Variants in PPP1R14C observed in about 807,000 individuals in gnomAD.
PPP1R14C encodes protein phosphatase 1 regulatory inhibitor subunit 14C, also known as protein phosphatase 1 regulatory subunit 14C.
Under a neutral mutation model 20.4 loss-of-function variants are expected in PPP1R14C, and 16 were observed. That is an observed-to-expected ratio of 0.78 (90% confidence interval 0.53 to 1.19). The LOEUF is 1.19. PPP1R14C is among the 50% of genes most tolerant of loss of function. PPP1R14C has a pLI of 0.00. For synonymous variants in PPP1R14C, 91 were observed against 91.0 expected (o/e 1.00, Z 0.00); for missense variants, 211 against 220.1 (o/e 0.96, Z 0.26).
intron 2 of PPP1R14C, among the ~76,000 whole-genome samples, chr6:150,215,197 A>G (rs1055897633): frequency 6.6e-6 from 1 of 152,228 alleles, no homozygotes; most frequent in Non-Finnish European, 1.5e-5. Flanking sequence ...ATCCAAGACT[A>G]GAGCTCTGGT....
chr6:150,156,467 G>A (rs139042818), intron 1 of PPP1R14C, among the ~76,000 whole-genome samples: 118 of 152,222 alleles, frequency 7.8e-4, no homozygotes, highest in African/African-American at 2.4e-3. Context: ...TGTCAATAGC[G>A]CACACATTGG....
At position 150,249,233 on chromosome 6, in the gene PPP1R14C, A is replaced by C. The variant is rs1455915567; in HGVS notation, c.*413A>C. On this transcript the variant is annotated 3_prime_UTR_variant, in exon 4 of 4. Transcript: ENST00000361131. ...AAGTTGTACATTTGACTCAGCTGTCAAATTTCTCACACTTGTATATATCTA... is the reference window on the plus strand; with the variant it reads ...AAGTTGTACATTTGACTCAGCTGTCCAATTTCTCACACTTGTATATATCTA... The C allele has an allele frequency of 5.0e-6, 2 of 399,614 alleles. No homozygotes were observed. The highest frequency in any genetic ancestry group is 8.8e-6 in the Non-Finnish European group (2 of 226,918). The allele number at this position is 399,614 out of a possible 1,614,324, so 24.8% of individuals were successfully genotyped here.
intron 1 of PPP1R14C, among the ~76,000 whole-genome samples, chr6:150,207,625 A>G (rs1043030991): frequency 6.6e-6 from 1 of 152,246 alleles, no homozygotes; most frequent in Non-Finnish European, 1.5e-5. Flanking sequence ...CCTTCCCAAA[A>G]CAGGATAAAT....
At chr6:150,231,698 A>T (rs1342762727) in intron 3 of PPP1R14C, among the ~76,000 whole-genome samples, 1 of 152,196 alleles carries the variant, frequency 6.6e-6, no homozygotes, top group Non-Finnish European at 1.5e-5. Flanking sequence ...ATGCACATGG[A>T]TTATTTTGTA....
intron 1 of PPP1R14C, among the ~76,000 whole-genome samples, chr6:150,170,602 G>C (rs544595763): frequency 6.6e-6 from 1 of 152,066 alleles, no homozygotes; most frequent in African/African-American, 2.4e-5. Flanking sequence ...AATTACAGGC[G>C]TGAGCCACTG....
At chr6:150,234,611 G>C (rs192214287) in intron 3 of PPP1R14C, among the ~76,000 whole-genome samples, 199 of 152,010 alleles carry the variant, frequency 1.3e-3, no homozygotes, top group African/African-American at 4.4e-3. Context: ...CACTTTGAGA[G>C]GCCAAGGCAG....
chr6:150,170,601 C>T (rs1380087509), intron 1 of PPP1R14C, among the ~76,000 whole-genome samples: 2 of 152,046 alleles, frequency 1.3e-5, no homozygotes, highest in Non-Finnish European at 2.9e-5. Flanking sequence ...GAATTACAGG[C>T]GTGAGCCACT....
At chr6:150,170,992 A>G (rs1176484209) in intron 1 of PPP1R14C, among the ~76,000 whole-genome samples, 1 of 152,030 alleles carries the variant, frequency 6.6e-6, no homozygotes, top group African/African-American at 2.4e-5. Flanking sequence ...TACCTTTCCT[A>G]TGTACTCTCT....
chr6:150,220,959 A>G (rs1778160260), intron 3 of PPP1R14C, among the ~76,000 whole-genome samples: 1 of 152,230 alleles, frequency 6.6e-6, no homozygotes, highest in Non-Finnish European at 1.5e-5. Context: ...AAAAGCAGAA[A>G]AAGGAGCTGG....
At chr6:150,207,982 G>A (rs570412409) in intron 1 of PPP1R14C, among the ~76,000 whole-genome samples, 84 of 152,186 alleles carry the variant, frequency 5.5e-4, no homozygotes, top group African/African-American at 1.9e-3. Flanking sequence ...GGAAGGGCAG[G>A]CAAGCGCTTG....
At chr6:150,180,201 C>CA (rs1226432062) in intron 1 of PPP1R14C, among the ~76,000 whole-genome samples, 1 of 152,114 alleles carries the variant, frequency 6.6e-6, no homozygotes, top group Admixed American at 6.5e-5. Context: ...GACTCCATTT[C>CA]AAAAAACAAA....
intron 1 of PPP1R14C, among the ~76,000 whole-genome samples, chr6:150,197,016 C>T (rs988462790): frequency 1.3e-5 from 2 of 152,204 alleles, no homozygotes; most frequent in African/African-American, 2.4e-5. Context: ...TACTTGTCCT[C>T]CCTTCTCCCT....
At position 150,143,047 on chromosome 6, in the gene PPP1R14C, G is replaced by A; in HGVS notation, c.-146G>A. 3 of 1,067,704 alleles carry A rather than the reference G, an allele frequency of 2.8e-6. No homozygotes were observed. Among genetic ancestry groups the A allele is most frequent in the Non-Finnish European group, 2.3e-6 (2 of 887,288 alleles). The allele number at this position is 1,067,704 out of a possible 1,614,324, so 66.1% of individuals were successfully genotyped here. The stretch of plus-strand genomic sequence containing the variant: ...CCGCGGCTCCTCCCGCCCTCCCAGA[G>A]CAGCCGGGCGGCTGGGCGCGCGCGG... On this transcript the variant is annotated 5_prime_UTR_variant, in exon 1 of 4. Coordinates refer to ENST00000361131, the MANE Select transcript of PPP1R14C (RefSeq NM_030949.3). The surrounding 1 kb of genome is among the most constrained non-coding windows in gnomAD (Gnocchi z 5.6).
intron 1 of PPP1R14C, among the ~76,000 whole-genome samples, chr6:150,144,302 G>A (rs1777158779): frequency 1.3e-5 from 2 of 152,234 alleles, no homozygotes; most frequent in South Asian, 4.1e-4. Context: ...ACGACATCGT[G>A]ACTTCCCAAG....
At chr6:150,237,857 G>A (rs1778382525) in intron 3 of PPP1R14C, among the ~76,000 whole-genome samples, 2 of 151,578 alleles carry the variant, frequency 1.3e-5, no homozygotes, top group South Asian at 4.2e-4. Flanking sequence ...GTATGTATTG[G>A]GTGACTCCTT....
At chr6:150,152,356 C>T (rs191226718) in intron 1 of PPP1R14C, among the ~76,000 whole-genome samples, 2 of 152,274 alleles carry the variant, frequency 1.3e-5, no homozygotes, top group East Asian at 1.9e-4. Flanking sequence ...GCTTCAGAGC[C>T]ACCTCCATGG....
intron 3 of PPP1R14C, among the ~76,000 whole-genome samples, chr6:150,228,330 C>T (rs892328005): frequency 6.6e-6 from 1 of 152,148 alleles, no homozygotes; most frequent in Non-Finnish European, 1.5e-5. Flanking sequence ...TGATAATTTG[C>T]AAGAAGAATT....
At chr6:150,174,367 C>T (rs1269547060) in intron 1 of PPP1R14C, among the ~76,000 whole-genome samples, 1 of 151,876 alleles carries the variant, frequency 6.6e-6, no homozygotes, top group Non-Finnish European at 1.5e-5. Flanking sequence ...CTACCGGTGC[C>T]CCCCACCACT....
chr6:150,165,711 G>C (rs1354782803), intron 1 of PPP1R14C, among the ~76,000 whole-genome samples: 3 of 152,088 alleles, frequency 2.0e-5, no homozygotes, highest in Non-Finnish European at 4.4e-5. Context: ...TTATTGTTCT[G>C]TTATAGTTAT....
Sources: allele counts gnomAD v4.1 joint callset (sites outside exome capture counted in the v4.1 genomes callset), GRCh38; gene constraint gnomAD v4.1.1; non-coding constraint Gnocchi (gnomAD v3.1); transcripts MANE v1.5; gene names NCBI Gene and HGNC (gene_info 2026-07-23, HGNC 2026-07-21).